TAFA5: variants seen among roughly 807,000 people sequenced by gnomAD.
TAFA5 encodes the protein TAFA chemokine like family member 5.
TAFA5 carries 6 observed loss-of-function variants against 15.3 expected under a neutral mutation model. The ratio of observed to expected loss-of-function variants is 0.39; its 90% CI spans 0.21 to 0.77. The LOEUF (loss-of-function observed/expected upper bound fraction) is 0.77, where lower values mean the gene tolerates loss of function less well. Among genes scored for constraint, TAFA5 ranks in the 30% least tolerant of loss-of-function variants. The pLI, the probability that TAFA5 is intolerant of heterozygous loss-of-function variation, is 0.41. For synonymous variants in TAFA5, 103 were observed against 80.7 expected (o/e 1.28, Z -1.48); for missense variants, 161 against 193.1 (o/e 0.83, Z 0.98).
At chr22:48,722,045 G>A (rs1387696687) in intron 3 of TAFA5, among the ~76,000 whole-genome samples, 1 of 152,136 alleles carries the variant, frequency 6.6e-6, no homozygotes. Context: ...AATCCTTGGG[G>A]TACATACCCA....
intron 3 of TAFA5, among the ~76,000 whole-genome samples, chr22:48,708,558 G>A (rs756397763): frequency 2.0e-5 from 3 of 152,224 alleles, no homozygotes; most frequent in Non-Finnish European, 4.4e-5. Context: ...GAGGAGGGGA[G>A]CCCACGCCCA....
chr22:48,524,572 T>A (rs935322727), intron 1 of TAFA5, among the ~76,000 whole-genome samples: 13 of 152,204 alleles, frequency 8.5e-5, no homozygotes, highest in African/African-American at 3.1e-4. Context: ...ACACTCGGGA[T>A]GGCTGGAAGC....
Position 48,530,102 on chromosome 22 carries a change from C to T in TAFA5, c.112+40398C>T, listed in dbSNP as rs1158272754. ...CTGAGTAGGGTGAGGGAAGCCCTGG[C>T]GTCTGCAGACCCTCCTGTACTGATG... On this transcript the variant is annotated intron_variant, in intron 1 of 3. Transcript: ENST00000402357. The surrounding 1 kb of genome is among the most constrained non-coding windows in gnomAD (Gnocchi z 6.0). Among the ~76,000 whole-genome samples the T allele has an allele frequency of 1.3e-5, 2 of 152,114 alleles. No homozygotes were observed. Among genetic ancestry groups the T allele is most frequent in the Non-Finnish European group, 2.9e-5 (2 of 68,008 alleles).
intron 2 of TAFA5, among the ~76,000 whole-genome samples, chr22:48,702,538 C>A (rs145659240): frequency 1.3e-5 from 2 of 152,096 alleles, no homozygotes; most frequent in East Asian, 3.9e-4. Flanking sequence ...ACGCATGAGA[C>A]CCTGTGCCCT....
intron 2 of TAFA5, among the ~76,000 whole-genome samples, chr22:48,655,236 C>T (rs2147209206): frequency 6.6e-6 from 1 of 152,320 alleles, no homozygotes; most frequent in East Asian, 1.9e-4. Context: ...TGGCAGGATG[C>T]AGAGTGGACA....
intron 3 of TAFA5, among the ~76,000 whole-genome samples, chr22:48,738,820 C>T (rs1032226470): frequency 5.9e-5 from 9 of 152,174 alleles, no homozygotes; most frequent in East Asian, 3.8e-4. Context: ...GAGAGTTAAT[C>T]GGCCGTCGCA....
chr22:48,519,852 A>G (rs1174715501), intron 1 of TAFA5, among the ~76,000 whole-genome samples: 1 of 152,186 alleles, frequency 6.6e-6, no homozygotes, highest in Non-Finnish European at 1.5e-5. Flanking sequence ...TGCCATGGAA[A>G]CAGGGTAATG....
At position 48,552,234 on chromosome 22, in the gene TAFA5, T is replaced by C. The variant is rs16999390; in HGVS notation, c.112+62530T>C. ...TGGAGAAGGGTCCACACTTGCCTCC[T>C]GTGGGCCAGCTGCCTTTGCTTGCTG... On this transcript the variant is annotated intron_variant, in intron 1 of 3. Coordinates refer to ENST00000402357, the MANE Select transcript of TAFA5 (RefSeq NM_001082967.3). The surrounding 1 kb of genome is among the most constrained non-coding windows in gnomAD (Gnocchi z 4.1). Among the ~76,000 whole-genome samples the C allele has an allele frequency of 8.8e-3, 1,334 of 152,268 alleles. 17 individuals carry two copies. The highest frequency in any genetic ancestry group is 0.031 in the African/African-American group (1,288 of 41,552).
At chr22:48,568,697 A>C (rs890663001) in intron 1 of TAFA5, among the ~76,000 whole-genome samples, 1 of 152,232 alleles carries the variant, frequency 6.6e-6, no homozygotes, top group African/African-American at 2.4e-5. Context: ...ATGACTGGCC[A>C]GCGGTCTGGT....
chr22:48,680,331 A>T (rs950557095), intron 2 of TAFA5, among the ~76,000 whole-genome samples: 1 of 152,200 alleles, frequency 6.6e-6, no homozygotes, highest in African/African-American at 2.4e-5. Context: ...AGAACAAAAG[A>T]TGGAAGATCT....
At chr22:48,596,309 T>C (rs1924762216) in intron 1 of TAFA5, among the ~76,000 whole-genome samples, 1 of 152,212 alleles carries the variant, frequency 6.6e-6, no homozygotes, top group Non-Finnish European at 1.5e-5. Flanking sequence ...ACGGCCCGTG[T>C]GTCTGGGTCT....
chr22:48,653,309 A>G (rs1601645543), intron 2 of TAFA5, among the ~76,000 whole-genome samples: 1 of 152,260 alleles, frequency 6.6e-6, no homozygotes, highest in East Asian at 1.9e-4. Flanking sequence ...TTGGTTTGTG[A>G]GGAAGATGGT....
At chr22:48,715,424 C>T (rs1376512786) in intron 3 of TAFA5, among the ~76,000 whole-genome samples, 1 of 152,070 alleles carries the variant, frequency 6.6e-6, no homozygotes, top group East Asian at 1.9e-4. Context: ...AGACAGCGGA[C>T]ATGCATCCAG....
At chr22:48,589,018 C>T (rs1297216875) in intron 1 of TAFA5, among the ~76,000 whole-genome samples, 1 of 152,252 alleles carries the variant, frequency 6.6e-6, no homozygotes, top group African/African-American at 2.4e-5. Flanking sequence ...ATTCGCTTCA[C>T]CGATAGAAGA....
chr22:48,567,970 T>C (rs1923463673), intron 1 of TAFA5, among the ~76,000 whole-genome samples: 1 of 152,194 alleles, frequency 6.6e-6, no homozygotes, highest in Non-Finnish European at 1.5e-5. Flanking sequence ...GTGAAGAGCA[T>C]GGATCCACCG....
In TAFA5 at chr22:48,751,366, A is replaced by T. The variant is rs892259479; in HGVS notation, c.*1519A>T. On this transcript the variant is annotated 3_prime_UTR_variant, in exon 4 of 4. Coordinates refer to ENST00000402357, the MANE Select transcript of TAFA5 (RefSeq NM_001082967.3). The stretch of plus-strand genomic sequence containing the variant: ...CGGCAGGGCCGAGGAATAAGCGACA[A>T]TTCTGGTTTTTCTCCCCTGGCCGTC... 6.6e-6 allele frequency: 1 copy of T among 152,374 alleles called. No homozygotes were observed. The highest frequency in any genetic ancestry group is 1.5e-5 in the Non-Finnish European group (1 of 68,006). 9.4% of individuals were successfully genotyped at this position (152,374 alleles called of 1,614,324 possible).
At position 48,659,976 on chromosome 22, in the gene TAFA5, G is replaced by A. The variant is rs560623317; in HGVS notation, c.262+13230G>A. Among the ~76,000 whole-genome samples, 276 of 152,326 alleles carry A rather than the reference G, an allele frequency of 1.8e-3. 1 individual carries two copies. The highest frequency in any genetic ancestry group is 2.5e-3 in the Non-Finnish European group (167 of 68,022). On this transcript the variant is annotated intron_variant, in intron 2 of 3. Transcript: ENST00000402357. ...CTTTGATCATGTGACTTGGAGGGGG[G>A]TGAGTGGGGTTGCCTCCCTGTTCCT...
intron 1 of TAFA5, among the ~76,000 whole-genome samples, chr22:48,585,472 A>T (rs1411433769): frequency 6.6e-6 from 1 of 151,296 alleles, no homozygotes; most frequent in Non-Finnish European, 1.5e-5. Context: ...AATACACCAC[A>T]CATACACCAC....
intron 1 of TAFA5, among the ~76,000 whole-genome samples, chr22:48,515,664 C>T (rs1035888353): frequency 1.6e-4 from 24 of 152,332 alleles, no homozygotes; most frequent in African/African-American, 5.3e-4. Flanking sequence ...CTCATTGCAC[C>T]CGGCCCTGCT....
Sources: gnomAD v4.1 joint callset for allele counts (sites outside exome capture counted in the v4.1 genomes callset) on GRCh38, gnomAD v4.1.1 for gene constraint, Gnocchi (gnomAD v3.1) non-coding constraint, MANE v1.5 for transcripts, NCBI Gene and HGNC (gene_info 2026-07-23, HGNC 2026-07-21) for gene names.